The following MLLT10 variants were observed in gnomAD, a reference collection of about 807,000 sequenced individuals.
The protein encoded by MLLT10 is protein AF-10.
A neutral mutation model predicts 129.1 loss-of-function variants in MLLT10; 30 were observed. That is an observed-to-expected ratio of 0.23 (90% CI 0.17 to 0.32). The LOEUF is 0.32. Ranked by LOEUF, MLLT10 falls within the 10% of genes least tolerant of loss-of-function variation. The pLI is 1.00. For synonymous variants in MLLT10, 490 were observed against 446.4 expected, an observed-to-expected ratio of 1.10 and a Z score of -1.23; for missense variants, 1,119 against 1,268.3, an observed-to-expected ratio of 0.88 and a Z score of 1.79.
chr10:21,734,255 A>C (rs2058180031), intron 20 of MLLT10, 126 bp downstream of exon 20: 3 of 1,085,358 alleles, frequency 2.8e-6, no homozygotes, highest in Admixed American at 5.3e-5. Flanking sequence ...CAAAAATTTT[A>C]AGTATATTAT....
At position 21,677,469 on chromosome 10, in the gene MLLT10, A is replaced by T. The variant is rs556239779; in HGVS notation, c.1621+3550A>T. On this transcript the variant is annotated intron_variant, in intron 11 of 22. Transcript: ENST00000307729. The stretch of plus-strand genomic sequence containing the variant: ...CAAGATGCTCAAGTTCCTGTTATAA[A>T]ACGTCATAGTATTTTCATATAACCT... Among the ~76,000 whole-genome samples, 3 of 152,338 alleles carry T rather than the reference A, an allele frequency of 2.0e-5. No homozygotes were observed. In the East Asian group the frequency reaches 5.8e-4, roughly 29 times the overall value.
rs1228833338 is a variant in MLLT10, at chr10:21,670,572, G to A, written c.919G>A (p.Val307Ile). Residue 307 changes from valine to isoleucine, a missense_variant, in exon 10 of 23, where the codon GTT becomes ATT. Val to Ile is a conservative substitution (Grantham distance 29, BLOSUM62 3). This residue lies in a region of MLLT10 where 1,004 missense variants were observed against 1,008.7 expected (regional missense o/e 1.00). Coordinates refer to ENST00000307729, the MANE Select transcript of MLLT10 (RefSeq NM_001195626.3). The stretch of plus-strand genomic sequence containing the variant: ...TGCACACACCTCTAGTGGAAAAGAT[G>A]TTTCAGAGACTAGAGGGTCAGAGGG... ...VSAHTSSGKD[V>I]SETRGSEGKG... The A allele has an allele frequency of 1.2e-6, 2 of 1,614,164 alleles. No individual in the cohort carries two copies. Among genetic ancestry groups the A allele is most frequent in the Admixed American group, 1.7e-5 (1 of 60,020 alleles).
intron 8 of MLLT10, chr10:21,625,195 C>T: frequency 2.0e-6 from 3 of 1,488,220 alleles, no homozygotes; most frequent in Middle Eastern, 4.7e-4. Context: ...TTCTGGAGGC[C>T]TGTCTAGCAG....
intron 3 of MLLT10, among the ~76,000 whole-genome samples, chr10:21,542,904 A>AG (rs1354732356): frequency 6.6e-6 from 1 of 151,844 alleles, no homozygotes; most frequent in Non-Finnish European, 1.5e-5. Context: ...AAGTTTTTGC[A>AG]GGGGGGCATT....
intron 14 of MLLT10, among the ~76,000 whole-genome samples, chr10:21,715,914 T>C (rs1043739688): frequency 6.6e-6 from 1 of 152,236 alleles, no homozygotes; most frequent in Non-Finnish European, 1.5e-5. Context: ...TGTACTGAGA[T>C]ACCTACATCT....
chr10:21,683,731 A>AT (rs567419868), intron 13 of MLLT10, among the ~76,000 whole-genome samples: 166 of 150,582 alleles, frequency 1.1e-3, no homozygotes, highest in Non-Finnish European at 2.0e-3. Flanking sequence ...TTCTTTCGAA[A>AT]TTTTTTGTGT....
chr10:21,706,937 A>T (rs1055784559), intron 13 of MLLT10, among the ~76,000 whole-genome samples: 8 of 152,002 alleles, frequency 5.3e-5, no homozygotes, highest in African/African-American at 1.7e-4. Context: ...TGCTTCAGTG[A>T]CACCACAGTC....
At chr10:21,741,513 G>C (rs1405636901) in intron 22 of MLLT10, among the ~76,000 whole-genome samples, 1 of 152,074 alleles carries the variant, frequency 6.6e-6, no homozygotes, top group Non-Finnish European at 1.5e-5. Context: ...TTTAATAATA[G>C]GCTGTAACTC....
At chr10:21,537,289 ATTCT>A (rs1042266741) in intron 2 of MLLT10, among the ~76,000 whole-genome samples, 2 of 151,848 alleles carry the variant, frequency 1.3e-5, no homozygotes, top group East Asian at 1.9e-4. Flanking sequence ...GTGAATTTAT[ATTCT>A]TTCTTTCTTT....
intron 10 of MLLT10, among the ~76,000 whole-genome samples, chr10:21,672,537 C>T (rs1207047154): frequency 6.6e-6 from 1 of 152,038 alleles, no homozygotes. Flanking sequence ...GAACTCCTGA[C>T]CTCATGATCC....
intron 3 of MLLT10, among the ~76,000 whole-genome samples, chr10:21,542,097 T>C (rs1457127814): frequency 3.9e-5 from 6 of 152,088 alleles, no homozygotes; most frequent in Non-Finnish European, 7.4e-5. Context: ...TCACAGTAGA[T>C]TGAAGGCTGG....
intron 3 of MLLT10, among the ~76,000 whole-genome samples, chr10:21,561,642 C>G (rs1000653559): frequency 2.0e-5 from 3 of 152,166 alleles, no homozygotes; most frequent in African/African-American, 4.8e-5. Context: ...CACCTACATT[C>G]TTTTGCATGT....
At chr10:21,678,336 C>G (rs2052400041) in intron 11 of MLLT10, among the ~76,000 whole-genome samples, 1 of 152,104 alleles carries the variant, frequency 6.6e-6, no homozygotes, top group Non-Finnish European at 1.5e-5. Context: ...ATCTCTTGAC[C>G]TCATGATCCA....
intron 14 of MLLT10, among the ~76,000 whole-genome samples, chr10:21,717,894 C>CCTCCTT (rs2056848513): frequency 7.5e-4 from 109 of 145,020 alleles, no homozygotes; most frequent in Middle Eastern, 3.4e-3. Context: ...TCCTTCTCCT[C>CCTCCTT]CTCCTCCTCC....
At chr10:21,554,132 A>G (rs986027372) in intron 3 of MLLT10, among the ~76,000 whole-genome samples, 39 of 152,102 alleles carry the variant, frequency 2.6e-4, no homozygotes, top group African/African-American at 9.2e-4. Context: ...GTCAGGGAGA[A>G]AGTTTTTGAA....
At chr10:21,736,584 A>T (rs2058383125) in intron 21 of MLLT10, among the ~76,000 whole-genome samples, 1 of 152,214 alleles carries the variant, frequency 6.6e-6, no homozygotes, top group Non-Finnish European at 1.5e-5. Flanking sequence ...CCCAGCCAAG[A>T]TGTTTTGAAG....
intron 4 of MLLT10, among the ~76,000 whole-genome samples, chr10:21,593,600 T>C (rs2042715116): frequency 6.6e-6 from 1 of 152,078 alleles, no homozygotes; most frequent in Admixed American, 6.6e-5. Context: ...TGTCATGTGT[T>C]TGGTACTTAT....
At chr10:21,542,145 A>G (rs1389025961) in intron 3 of MLLT10, among the ~76,000 whole-genome samples, 1 of 152,210 alleles carries the variant, frequency 6.6e-6, no homozygotes, top group Non-Finnish European at 1.5e-5. Context: ...CAGAGAGAGA[A>G]GATAATGAAT....
intron 3 of MLLT10, among the ~76,000 whole-genome samples, chr10:21,559,940 C>T (rs1195340753): frequency 1.4e-5 from 2 of 147,658 alleles, no homozygotes; most frequent in African/African-American, 5.0e-5. Context: ...CTGTTTGAAT[C>T]TTTTTTTTTT....
Sources: allele counts gnomAD v4.1 joint callset (sites outside exome capture counted in the v4.1 genomes callset), GRCh38; gene constraint gnomAD v4.1.1; regional missense constraint gnomAD v4.1.1; transcripts MANE v1.5; gene names NCBI Gene and HGNC (gene_info 2026-07-23, HGNC 2026-07-21).